FSTL5: variants seen among roughly 807,000 people sequenced by gnomAD.
FSTL5 encodes follistatin-related protein 5.
A neutral mutation model predicts 89.1 loss-of-function variants in FSTL5; 62 were observed. The ratio of observed to expected loss-of-function variants is 0.70; its 90% confidence interval spans 0.57 to 0.86. The LOEUF (loss-of-function observed/expected upper bound fraction) is 0.86, where lower values mean the gene tolerates loss of function less well. Among genes scored for constraint, FSTL5 ranks in the 40% least tolerant of loss-of-function variants. The pLI, the probability that FSTL5 is intolerant of heterozygous loss-of-function variation, is 0.00. For synonymous variants in FSTL5, 383 were observed against 346.2 expected (o/e 1.11, Z -1.18); for missense variants, 1,057 against 1,001.6 (o/e 1.06, Z -0.75).
intron 8 of FSTL5, among the ~76,000 whole-genome samples, chr4:161,583,331 G>T (rs1328243131): frequency 6.6e-6 from 1 of 152,226 alleles, no homozygotes; most frequent in Non-Finnish European, 1.5e-5. Context: ...GGATGAGACT[G>T]AGGGTAGAAA....
chr4:161,913,380 G>A (rs556073881), intron 4 of FSTL5, among the ~76,000 whole-genome samples: 4 of 152,118 alleles, frequency 2.6e-5, no homozygotes, highest in Admixed American at 1.3e-4. Flanking sequence ...GGTGCCCTGC[G>A]TCCCAGTCAC....
intron 10 of FSTL5, among the ~76,000 whole-genome samples, chr4:161,517,731 A>AT (rs902144839): frequency 4.0e-5 from 6 of 151,362 alleles, no homozygotes; most frequent in East Asian, 1.9e-4. Flanking sequence ...ATATTAAATA[A>AT]TTTTTTTTTG....
rs558857155 is a variant in FSTL5 at position 161,389,029 on chromosome 4, G to A, written c.1842-2580C>T. 3.9e-5 allele frequency among the ~76,000 whole-genome samples: 6 copies of A among 152,190 alleles called. No individual in the cohort carries two copies. The East Asian group carries it at 7.7e-4, about 20-fold the overall frequency. ...ATGCTCCTTTAGGGCTGGAGATGTA[G>A]CTACATAAGCAGATGCATGAGAATG... is the stretch of plus-strand genomic sequence containing the variant. On this transcript the variant is annotated intron_variant, in intron 15 of 15. Transcript: ENST00000306100.
chr4:161,914,021 G>C (rs1733771424), intron 4 of FSTL5, among the ~76,000 whole-genome samples: 1 of 152,104 alleles, frequency 6.6e-6, no homozygotes, highest in Non-Finnish European at 1.5e-5. Context: ...TGAAATGTGA[G>C]AACATGAGAT....
intron 7 of FSTL5, among the ~76,000 whole-genome samples, chr4:161,654,194 A>T (rs553739336): frequency 2.0e-4 from 31 of 152,246 alleles, no homozygotes; most frequent in Non-Finnish European, 3.5e-4. Flanking sequence ...CATGTACAAG[A>T]ATGTGTCCAC....
chr4:161,912,168 A>C (rs1353528084), intron 4 of FSTL5, among the ~76,000 whole-genome samples: 1 of 152,226 alleles, frequency 6.6e-6, no homozygotes, highest in African/African-American at 2.4e-5. Flanking sequence ...TAGAAGAAAA[A>C]TCAATTATAT....
intron 15 of FSTL5, among the ~76,000 whole-genome samples, chr4:161,425,837 A>G (rs1162157419): frequency 3.3e-5 from 5 of 152,110 alleles, no homozygotes; most frequent in Admixed American, 2.6e-4. Context: ...ATTAGATCCT[A>G]TGTTCCCAAA....
intron 3 of FSTL5, among the ~76,000 whole-genome samples, chr4:161,984,152 C>T (rs1735901461): frequency 6.6e-6 from 1 of 151,984 alleles, no homozygotes; most frequent in Non-Finnish European, 1.5e-5. Flanking sequence ...CTTTAACTTT[C>T]ATTTTATATT....
chr4:161,674,757 AG>A (rs1459650014), intron 6 of FSTL5, among the ~76,000 whole-genome samples: 1 of 152,146 alleles, frequency 6.6e-6, no homozygotes, highest in Non-Finnish European at 1.5e-5. Flanking sequence ...AATGTAACAA[AG>A]GCTGTCAGTG....
intron 6 of FSTL5, among the ~76,000 whole-genome samples, chr4:161,665,227 C>T (rs1256336888): frequency 6.6e-6 from 1 of 151,992 alleles, no homozygotes; most frequent in South Asian, 2.1e-4. Flanking sequence ...ATATCAAAGA[C>T]AGAGAGAAAT....
intron 1 of FSTL5, among the ~76,000 whole-genome samples, chr4:162,133,006 A>C (rs1732367677): frequency 6.6e-6 from 1 of 152,060 alleles, no homozygotes; most frequent in African/African-American, 2.4e-5. Flanking sequence ...GCAGTGGCGC[A>C]ATCTCGGCTC....
chr4:161,973,700 G>C (rs1735549622), intron 3 of FSTL5, among the ~76,000 whole-genome samples: 1 of 152,172 alleles, frequency 6.6e-6, no homozygotes, highest in African/African-American at 2.4e-5. Context: ...TCACTGAAGA[G>C]ACAGTCAATT....
At chr4:162,135,844 T>C (rs1262633825) in intron 1 of FSTL5, among the ~76,000 whole-genome samples, 1 of 152,134 alleles carries the variant, frequency 6.6e-6, no homozygotes, top group African/African-American at 2.4e-5. Flanking sequence ...CTAAAATTTT[T>C]GGATTTTTTA....
intron 15 of FSTL5, among the ~76,000 whole-genome samples, chr4:161,422,443 A>T (rs1732023630): frequency 6.6e-6 from 1 of 152,214 alleles, no homozygotes; most frequent in Admixed American, 6.5e-5. Context: ...GCTAGTGAGA[A>T]TCTTTTTAAA....
intron 3 of FSTL5, among the ~76,000 whole-genome samples, chr4:161,921,188 T>C (rs903064782): frequency 4.6e-5 from 7 of 152,148 alleles, no homozygotes; most frequent in African/African-American, 1.7e-4. Flanking sequence ...AGGCAGAAAA[T>C]GTTAAGAAGA....
At chr4:162,146,229 A>G (rs1255036218) in intron 1 of FSTL5, among the ~76,000 whole-genome samples, 1 of 152,134 alleles carries the variant, frequency 6.6e-6, no homozygotes, top group African/African-American at 2.4e-5. Context: ...ATGTATTTAT[A>G]TATCTATCTA....
At chr4:161,771,983 G>C (rs1159592266) in intron 5 of FSTL5, among the ~76,000 whole-genome samples, 1 of 152,088 alleles carries the variant, frequency 6.6e-6, no homozygotes, top group Non-Finnish European at 1.5e-5. Flanking sequence ...TCTATAACTG[G>C]TCAGTTCATT....
At chr4:162,116,427 T>C (rs142948969) in intron 1 of FSTL5, among the ~76,000 whole-genome samples, 107 of 152,310 alleles carry the variant, frequency 7.0e-4, no homozygotes, top group African/African-American at 2.1e-3. Context: ...CTTTTACCAC[T>C]AAAATGAGGA....
chr4:161,635,565 C>T (rs1450050130), intron 7 of FSTL5, among the ~76,000 whole-genome samples: 2 of 150,810 alleles, frequency 1.3e-5, no homozygotes, highest in Non-Finnish European at 2.9e-5. Flanking sequence ...TAAACTTATA[C>T]ATATCTGTTG....
Sources: allele counts gnomAD v4.1 joint callset (sites outside exome capture counted in the v4.1 genomes callset), GRCh38; gene constraint gnomAD v4.1.1; transcripts MANE v1.5; gene names NCBI Gene and HGNC (gene_info 2026-07-23, HGNC 2026-07-21).